SCAI: variants seen among roughly 807,000 people sequenced by gnomAD.
SCAI encodes the protein suppressor of cancer cell invasion.
Under a neutral mutation model 92.2 loss-of-function variants are expected in SCAI, and 24 were observed. That is an observed-to-expected ratio of 0.26 (90% CI 0.19 to 0.37). The LOEUF (loss-of-function observed/expected upper bound fraction) is 0.37, where lower values mean the gene tolerates loss of function less well. SCAI is among the 10% of genes least tolerant of loss of function. The pLI, the probability that SCAI is intolerant of heterozygous loss-of-function variation, is 1.00. For missense variants in SCAI, 450 were observed against 736.2 expected, an observed-to-expected ratio of 0.61 and a Z score of 4.50; for synonymous variants, 261 against 258.6, an observed-to-expected ratio of 1.01 and a Z score of -0.09.
chr9:125,042,532 ACT>A (rs969637873), intron 3 of SCAI, among the ~76,000 whole-genome samples: 1 of 148,082 alleles, frequency 6.8e-6, no homozygotes, highest in Non-Finnish European at 1.5e-5. Flanking sequence ...CCATCTTGTA[ACT>A]CTTTTTTCTG....
intron 14 of SCAI, among the ~76,000 whole-genome samples, chr9:124,991,501 T>C (rs917813602): frequency 1.3e-5 from 2 of 148,376 alleles, no homozygotes; most frequent in African/African-American, 5.0e-5. Flanking sequence ...GCAAAGAAAA[T>C]ACTCCAGAAA....
At chr9:124,959,822 G>C (rs757921173) in intron 17 of SCAI, among the ~76,000 whole-genome samples, 17 of 151,922 alleles carry the variant, frequency 1.1e-4, no homozygotes, top group Non-Finnish European at 1.2e-4. Context: ...TGCTGAGAAT[G>C]ATGGTTTCCA....
At chr9:124,984,771 TGAGA>T (rs1026086768) in intron 14 of SCAI, among the ~76,000 whole-genome samples, 44 of 152,216 alleles carry the variant, frequency 2.9e-4, no homozygotes, top group African/African-American at 1.0e-3. Flanking sequence ...AAGTTGAGTT[TGAGA>T]GAGAGGTCTG....
Position 124,971,392 on chromosome 9 carries a change from A to G in SCAI, c.1652T>C (p.Met551Thr). ...TACCCGAAAAATCTTGTGCATCCTC[A>G]TGGTGGCTGAACAAAAGATAAATCT... ...LTRFIFCSAT[M>T]RMHKIFRETR... The change falls in exon 17 of 18, where the codon ATG becomes ACG. Residue 551 changes from methionine to threonine, a missense_variant. Coordinates refer to ENST00000336505, the MANE Select transcript of SCAI (RefSeq NM_001144877.3). 1.9e-6 allele frequency: 3 copies of G among 1,611,292 alleles called. No homozygotes were observed. Among genetic ancestry groups the G allele is most frequent in the Non-Finnish European group, 2.5e-6 (3 of 1,178,998 alleles).
intron 2 of SCAI, among the ~76,000 whole-genome samples, chr9:125,059,775 T>TCTGA (rs915960245): frequency 5.3e-5 from 8 of 152,206 alleles, no homozygotes; most frequent in African/African-American, 1.7e-4. Flanking sequence ...ATCACTAGCA[T>TCTGA]CTGACATTCT....
chr9:124,946,437 A>G lies in SCAI; in HGVS notation c.*6370T>C, dbSNP rs947371571. 8 of 152,326 alleles carry G rather than the reference A, an allele frequency of 5.3e-5. No individual in the cohort carries two copies. The highest frequency in any genetic ancestry group is 1.9e-4 in the African/African-American group (8 of 41,570). The allele number at this position is 152,326 out of a possible 1,614,324, so 9.4% of individuals were successfully genotyped here. ...GATAATTTCTCTATTTTAAGATAAT[A>G]TTGGATCAGATAGATTTAATCTTCC... is the stretch of plus-strand genomic sequence containing the variant. On this transcript the variant is annotated 3_prime_UTR_variant, in exon 18 of 18. Coordinates refer to ENST00000336505, the MANE Select transcript of SCAI (RefSeq NM_001144877.3). This position sits in a 1 kb window ranked among gnomAD's most constrained non-coding sequence, Gnocchi z 4.0.
In SCAI at chr9:124,990,286, C is replaced by T. The variant is rs150374991; in HGVS notation, c.1326+4648G>A. 2.0e-3 allele frequency among the ~76,000 whole-genome samples: 301 copies of T among 151,968 alleles called. 2 individuals carry two copies. Among genetic ancestry groups the T allele is most frequent in the African/African-American group, 7.1e-3 (295 of 41,458 alleles). On this transcript the variant is annotated intron_variant, in intron 14 of 17. Transcript: ENST00000336505. Reference sequence around the variant, plus strand: ...GGCGGATCACCTCAAGTCAGGAGTTCAAGACCAGTCTGGGCAACATGGTGA... The same window carrying T: ...GGCGGATCACCTCAAGTCAGGAGTTTAAGACCAGTCTGGGCAACATGGTGA...
intron 2 of SCAI, among the ~76,000 whole-genome samples, chr9:125,071,241 T>C (rs1833973741): frequency 6.6e-6 from 1 of 152,100 alleles, no homozygotes; most frequent in Admixed American, 6.6e-5. Context: ...TAAAAATTTT[T>C]GTAAAAAATC....
intron 2 of SCAI, among the ~76,000 whole-genome samples, chr9:125,064,359 G>T (rs1833836370): frequency 1.3e-5 from 2 of 152,032 alleles, no homozygotes; most frequent in African/African-American, 2.4e-5. Flanking sequence ...TTCTAGACGG[G>T]TGCCGTGGTT....
chr9:125,093,779 T>C (rs1180971674), intron 2 of SCAI, among the ~76,000 whole-genome samples: 1 of 152,112 alleles, frequency 6.6e-6, no homozygotes, highest in Non-Finnish European at 1.5e-5. Flanking sequence ...TTGGCCAGGA[T>C]GGTCTTGATC....
intron 2 of SCAI, among the ~76,000 whole-genome samples, chr9:125,085,080 A>C (rs113570326): frequency 3.3e-5 from 5 of 152,376 alleles, no homozygotes; most frequent in South Asian, 2.1e-4. Context: ...ACCACTTTTT[A>C]TTACTACCAA....
intron 17 of SCAI, chr9:124,968,862 G>T: frequency 5.5e-6 from 3 of 543,012 alleles, no homozygotes; most frequent in Admixed American, 3.1e-5. Flanking sequence ...GGTGAGCAAT[G>T]TTTTCAATAT....
rs372196290 is a variant in SCAI at position 125,015,951 on chromosome 9, C to G, written c.861+2848G>C. 6.9e-5 allele frequency among the ~76,000 whole-genome samples: 10 copies of G among 144,568 alleles called. No individual in the cohort carries two copies. In the Admixed American group the frequency reaches 7.4e-4, roughly 11 times the overall value. 94.8% of individuals were successfully genotyped at this position (144,568 alleles called of 152,430 possible). On this transcript the variant is annotated intron_variant, in intron 9 of 17. Coordinates refer to ENST00000336505, the MANE Select transcript of SCAI (RefSeq NM_001144877.3). ...AAGAACAAAAAACCAAACACCGCATCTTCTCACTCATAGGTGGGAACTGAA... is the reference window on the plus strand; with the variant it reads ...AAGAACAAAAAACCAAACACCGCATGTTCTCACTCATAGGTGGGAACTGAA...
chr9:125,049,139 T>TAC (rs35099877), intron 3 of SCAI, among the ~76,000 whole-genome samples: 3 of 151,710 alleles, frequency 2.0e-5, no homozygotes, highest in African/African-American at 7.3e-5. Flanking sequence ...AATATACATA[T>TAC]ACACACACAC....
At chr9:125,006,906 G>C (rs961994048) in intron 9 of SCAI, among the ~76,000 whole-genome samples, 1 of 152,064 alleles carries the variant, frequency 6.6e-6, no homozygotes, top group Non-Finnish European at 1.5e-5. Context: ...ATCACCTAAG[G>C]TCAGGAGTTT....
At chr9:125,075,675 C>A (rs1834074679) in intron 2 of SCAI, among the ~76,000 whole-genome samples, 1 of 151,936 alleles carries the variant, frequency 6.6e-6, no homozygotes, top group South Asian at 2.1e-4. Context: ...AAGTGATTCT[C>A]CTGCCTCAGC....
intron 9 of SCAI, among the ~76,000 whole-genome samples, chr9:125,014,694 A>G (rs912077864): frequency 6.6e-6 from 1 of 152,226 alleles, no homozygotes; most frequent in African/African-American, 2.4e-5. Context: ...TAAAGTTCAT[A>G]TGGAACCAAA....
chr9:125,089,103 C>G (rs1588211241), intron 2 of SCAI, among the ~76,000 whole-genome samples: 1 of 152,288 alleles, frequency 6.6e-6, no homozygotes, highest in Non-Finnish European at 1.5e-5. Flanking sequence ...AGAAACTCCC[C>G]AAGTCTTAAC....
At chr9:125,033,811 T>C (rs1043064305) in intron 3 of SCAI, among the ~76,000 whole-genome samples, 4 of 152,186 alleles carry the variant, frequency 2.6e-5, no homozygotes, top group Admixed American at 1.3e-4. Flanking sequence ...ACTGAGCATA[T>C]AATTTTATCT....
Sources: gnomAD v4.1 joint callset for allele counts (sites outside exome capture counted in the v4.1 genomes callset) on GRCh38, gnomAD v4.1.1 for gene constraint, Gnocchi (gnomAD v3.1) non-coding constraint, MANE v1.5 for transcripts, NCBI Gene and HGNC (gene_info 2026-07-23, HGNC 2026-07-21) for gene names.